The following TRDN variants were observed in gnomAD, a reference collection of about 807,000 sequenced individuals.
The protein encoded by TRDN is triadin, also known as triadin in skeletal muscle.
In TRDN, 161 loss-of-function variants were observed where a neutral mutation model predicts 149.7. The observed-to-expected ratio is 1.08, with a 90% CI of 0.95 to 1.23. TRDN has a LOEUF of 1.23. Among genes scored for constraint, TRDN ranks in the 50% most tolerant of loss-of-function variants. The pLI is 0.00. For missense variants in TRDN, 896 were observed against 823.5 expected, an observed-to-expected ratio of 1.09 and a Z score of -1.08; for synonymous variants, 294 against 250.5, an observed-to-expected ratio of 1.17 and a Z score of -1.64.
At chr6:123,456,923 A>T (rs537996930) in intron 10 of TRDN, 64 of 450,596 alleles carry the variant, frequency 1.4e-4, no homozygotes, top group African/African-American at 1.1e-3. Context: ...TATGTCAAAC[A>T]GACCAGATCG....
chr6:123,264,798 A>G (rs974104199), intron 33 of TRDN, among the ~76,000 whole-genome samples: 1 of 152,092 alleles, frequency 6.6e-6, no homozygotes, highest in Non-Finnish European at 1.5e-5. Context: ...TACTTTTACC[A>G]GCAAAAGTAT....
intron 40 of TRDN, among the ~76,000 whole-genome samples, chr6:123,220,757 G>A (rs1042893167): frequency 2.0e-5 from 3 of 151,708 alleles, no homozygotes; most frequent in Admixed American, 6.6e-5. Flanking sequence ...ATCAAGAGAC[G>A]TCATTTCTTC....
At chr6:123,499,468 C>T (rs998163483) in intron 8 of TRDN, among the ~76,000 whole-genome samples, 33 of 151,270 alleles carry the variant, frequency 2.2e-4, no homozygotes, top group African/African-American at 7.5e-4. Flanking sequence ...CTTTCGGAGG[C>T]TGAGGCGGGA....
At chr6:123,506,777 T>C (rs538031665) in intron 7 of TRDN, among the ~76,000 whole-genome samples, 1 of 152,198 alleles carries the variant, frequency 6.6e-6, no homozygotes, top group African/African-American at 2.4e-5. Flanking sequence ...TTCTTCATGG[T>C]CAATTCACAT....
In TRDN at chr6:123,273,336, C is replaced by T. The variant is rs748011906; in HGVS notation, c.1624+1G>A. ...GCATAAAAGATAAAATTAATACATA[C>T]TGTGTATTTGCACTTTTTCAGATAT... On this transcript the variant is annotated splice_donor_variant, in intron 28 of 40. Transcript: ENST00000334268. LOFTEE classifies it high-confidence loss of function. 10 of 1,065,064 alleles carry T rather than the reference C, an allele frequency of 9.4e-6. No individual in the cohort carries two copies. The highest frequency in any genetic ancestry group is 1.7e-5 in the African/African-American group (1 of 59,158). 66.0% of individuals were successfully genotyped at this position (1,065,064 alleles called of 1,614,324 possible).
chr6:123,259,563 T>A, intron 35 of TRDN, 61 bp downstream of exon 35: 1 of 1,182,862 alleles, frequency 8.5e-7, no homozygotes, highest in Non-Finnish European at 1.2e-6. Context: ...TATAAATTTG[T>A]TTTTTGTTCC....
chr6:123,287,019 A>G (rs1777827157), intron 24 of TRDN, among the ~76,000 whole-genome samples: 1 of 152,174 alleles, frequency 6.6e-6, no homozygotes. Flanking sequence ...GGATAAAATC[A>G]TCATTCACCA....
intron 8 of TRDN, chr6:123,501,951 G>A: frequency 1.0e-6 from 1 of 985,090 alleles, no homozygotes; most frequent in Non-Finnish European, 1.2e-6. Flanking sequence ...TCAATAAAAT[G>A]TGGCTCCCAA....
chr6:123,610,918 A>G (rs1350880485), intron 1 of TRDN, among the ~76,000 whole-genome samples: 1 of 152,222 alleles, frequency 6.6e-6, no homozygotes, highest in Non-Finnish European at 1.5e-5. Context: ...GAGAGGCCCC[A>G]AAGTAGAAGA....
chr6:123,238,062 A>C (rs1373715267), intron 38 of TRDN, among the ~76,000 whole-genome samples: 1 of 152,232 alleles, frequency 6.6e-6, no homozygotes, highest in Non-Finnish European at 1.5e-5. Flanking sequence ...GCTTTCGGGA[A>C]TGAAATGATA....
chr6:123,289,839 C>T (rs1278822462), intron 24 of TRDN, among the ~76,000 whole-genome samples: 2 of 152,052 alleles, frequency 1.3e-5, no homozygotes, highest in East Asian at 3.9e-4. Flanking sequence ...AACTTGGGGG[C>T]CCCAGAGCCA....
chr6:123,349,747 A>T, intron 21 of TRDN: 3 of 983,698 alleles, frequency 3.0e-6, no homozygotes, highest in Non-Finnish European at 3.6e-6. Flanking sequence ...ATTAGCATTC[A>T]CTTGAAAGTA....
chr6:123,318,608 C>A (rs1314494025), intron 23 of TRDN, among the ~76,000 whole-genome samples: 1 of 151,982 alleles, frequency 6.6e-6, no homozygotes, highest in Non-Finnish European at 1.5e-5. Flanking sequence ...AAATTTAAAT[C>A]TTTTCTTCCT....
chr6:123,567,543 C>T (rs1361723170), intron 2 of TRDN, among the ~76,000 whole-genome samples: 1 of 151,786 alleles, frequency 6.6e-6, no homozygotes, highest in Non-Finnish European at 1.5e-5. Context: ...GGTAAGGCTT[C>T]AGGGTGTTTA....
At chr6:123,262,593 G>A (rs898050137) in intron 33 of TRDN, among the ~76,000 whole-genome samples, 3 of 151,898 alleles carry the variant, frequency 2.0e-5, no homozygotes, top group Non-Finnish European at 2.9e-5. Flanking sequence ...ATTGTGCTTC[G>A]CTTAATTGCA....
intron 1 of TRDN, among the ~76,000 whole-genome samples, chr6:123,632,594 T>C (rs557508196): frequency 6.6e-6 from 1 of 152,200 alleles, no homozygotes; most frequent in African/African-American, 2.4e-5. Flanking sequence ...AATGTACTTA[T>C]AAGACTAAAA....
chr6:123,600,321 C>T (rs1025161320), intron 1 of TRDN, among the ~76,000 whole-genome samples: 6 of 152,122 alleles, frequency 3.9e-5, no homozygotes, highest in Non-Finnish European at 5.9e-5. Flanking sequence ...TTAAGCTAAG[C>T]CCCCAGAGGG....
chr6:123,499,717 AAAAT>A (rs1341823746), intron 8 of TRDN, among the ~76,000 whole-genome samples: 2 of 55,730 alleles, frequency 3.6e-5, no homozygotes, highest in African/African-American at 1.1e-4. Context: ...AAAAAAAAAA[AAAAT>A]ATATATATAT....
chr6:123,365,661 T>C (rs1193783383), intron 20 of TRDN, among the ~76,000 whole-genome samples: 1 of 152,220 alleles, frequency 6.6e-6, no homozygotes, highest in Non-Finnish European at 1.5e-5. Context: ...TGACTTCATT[T>C]CAGACTTCCC....
Sources: allele counts gnomAD v4.1 joint callset (sites outside exome capture counted in the v4.1 genomes callset), GRCh38; gene constraint gnomAD v4.1.1; transcripts MANE v1.5; gene names NCBI Gene and HGNC (gene_info 2026-07-23, HGNC 2026-07-21).